The following SLIT2 variants were observed in gnomAD, a reference collection of about 807,000 sequenced individuals.
SLIT2 encodes the protein slit homolog 2 protein.
In SLIT2, 41 loss-of-function variants were observed where a neutral mutation model predicts 185.7. The observed-to-expected ratio is 0.22, with a 90% CI of 0.17 to 0.29. The LOEUF (loss-of-function observed/expected upper bound fraction) is 0.29. SLIT2 is among the 10% of genes least tolerant of loss of function. SLIT2 has a pLI of 1.00. For synonymous variants in SLIT2, 693 were observed against 680.2 expected (o/e 1.02, Z -0.29); for missense variants, 1,571 against 1,909.0 (o/e 0.82, Z 3.30).
At chr4:20,344,963 A>G (rs1319275167) in intron 4 of SLIT2, among the ~76,000 whole-genome samples, 2 of 152,198 alleles carry the variant, frequency 1.3e-5, no homozygotes, top group Non-Finnish European at 2.9e-5. Flanking sequence ...ACGTGTATGT[A>G]TGTAATAGAA....
intron 4 of SLIT2, among the ~76,000 whole-genome samples, chr4:20,389,280 G>C (rs930800072): frequency 6.6e-6 from 1 of 151,758 alleles, no homozygotes; most frequent in South Asian, 2.1e-4. Flanking sequence ...TGAAGAACTA[G>C]CATATCATTA....
chr4:20,470,925 G>A (rs1714926684), intron 5 of SLIT2, among the ~76,000 whole-genome samples: 1 of 152,076 alleles, frequency 6.6e-6, no homozygotes, highest in Non-Finnish European at 1.5e-5. Flanking sequence ...AGAATTATAG[G>A]GATCTGAATA....
In SLIT2 at chr4:20,617,408, A is replaced by T. The variant is rs546185704; in HGVS notation, c.4137-31A>T. On this transcript the variant is annotated intron_variant, in intron 35 of 36. Transcript: ENST00000504154. ...CATTCTTACCTCCTCTTCTGAATGC[A>T]TTCCCACTCCTGTGTTCCTCCTCCC... The T allele has an allele frequency of 9.4e-6, 15 of 1,590,506 alleles. No individual in the cohort carries two copies. The South Asian group carries it at 1.2e-4, about 13-fold the overall frequency.
At chr4:20,527,372 G>A (rs925929564) in intron 15 of SLIT2, among the ~76,000 whole-genome samples, 10 of 151,784 alleles carry the variant, frequency 6.6e-5, no homozygotes, top group South Asian at 4.2e-4. Context: ...TGCAAGTTCC[G>A]CCTCCCGAGT....
At chr4:20,354,739 T>C (rs1056123697) in intron 4 of SLIT2, among the ~76,000 whole-genome samples, 1 of 152,110 alleles carries the variant, frequency 6.6e-6, no homozygotes, top group Non-Finnish European at 1.5e-5. Context: ...GAGGAAACTA[T>C]AGAAATTGAT....
chr4:20,431,379 G>A (rs967906292), intron 4 of SLIT2, among the ~76,000 whole-genome samples: 2 of 152,026 alleles, frequency 1.3e-5, no homozygotes, highest in African/African-American at 4.8e-5. Context: ...AAATATTTGT[G>A]TTTTATTTTT....
intron 4 of SLIT2, among the ~76,000 whole-genome samples, chr4:20,420,818 G>A (rs779587834): frequency 3.9e-5 from 6 of 152,062 alleles, no homozygotes; most frequent in Non-Finnish European, 7.4e-5. Flanking sequence ...TGATGGGATC[G>A]ATGTCTTTAT....
At chr4:20,353,526 T>TA (rs987244266) in intron 4 of SLIT2, among the ~76,000 whole-genome samples, 5 of 151,874 alleles carry the variant, frequency 3.3e-5, no homozygotes, top group Admixed American at 6.6e-5. Flanking sequence ...AATATTTATT[T>TA]AAAAAAAACA....
chr4:20,279,416 C>T (rs1486519014), intron 4 of SLIT2, among the ~76,000 whole-genome samples: 1 of 152,174 alleles, frequency 6.6e-6, no homozygotes, highest in Admixed American at 6.5e-5. Flanking sequence ...TTTCTTTCCT[C>T]CTTCCTCCTC....
At chr4:20,527,838 T>A (rs1721434122) in intron 15 of SLIT2, among the ~76,000 whole-genome samples, 1 of 152,224 alleles carries the variant, frequency 6.6e-6, no homozygotes, top group Admixed American at 6.5e-5. Context: ...TGGTGATCTT[T>A]ACTTTTGCAG....
intron 4 of SLIT2, among the ~76,000 whole-genome samples, chr4:20,295,332 A>G (rs1249239292): frequency 1.3e-5 from 2 of 152,212 alleles, no homozygotes; most frequent in South Asian, 2.1e-4. Context: ...TGTGAGTACA[A>G]TGATTTTAAT....
intron 11 of SLIT2, 67 bp downstream of exon 11, chr4:20,511,204 T>C (rs1231702778): frequency 2.2e-6 from 2 of 895,320 alleles, no homozygotes; most frequent in Non-Finnish European, 3.6e-6. Context: ...CTTTTTTAAA[T>C]TGGGGTTTAA....
chr4:20,274,823 A>G (rs1439253709), intron 4 of SLIT2, among the ~76,000 whole-genome samples: 2 of 151,880 alleles, frequency 1.3e-5, no homozygotes, highest in Non-Finnish European at 2.9e-5. Context: ...ACCAACAAGT[A>G]CTTATGGACT....
chr4:20,345,041 A>G (rs1174521288), intron 4 of SLIT2, among the ~76,000 whole-genome samples: 1 of 152,224 alleles, frequency 6.6e-6, no homozygotes, highest in Non-Finnish European at 1.5e-5. Context: ...TTAATTATTG[A>G]TAGTAAAATA....
intron 4 of SLIT2, among the ~76,000 whole-genome samples, chr4:20,347,195 A>G (rs79034379): frequency 0.057 from 8,614 of 152,268 alleles, 267 homozygotes; most frequent in Admixed American, 0.082. Flanking sequence ...TGTTATTGCC[A>G]TTTTATAGAG....
At chr4:20,518,497 C>A (rs559307020) in intron 11 of SLIT2, among the ~76,000 whole-genome samples, 2 of 122,936 alleles carry the variant, frequency 1.6e-5, no homozygotes, top group Non-Finnish European at 3.3e-5. Flanking sequence ...CGTGATCCGC[C>A]GGCCTCGGCC....
intron 4 of SLIT2, among the ~76,000 whole-genome samples, chr4:20,364,552 C>T (rs2109301981): frequency 6.6e-6 from 1 of 152,174 alleles, no homozygotes; most frequent in Non-Finnish European, 1.5e-5. Context: ...ATGCTTAATA[C>T]CTTAACTGCC....
chr4:20,529,865 G>C (rs180951972), intron 16 of SLIT2, among the ~76,000 whole-genome samples: 2 of 152,108 alleles, frequency 1.3e-5, no homozygotes, highest in East Asian at 3.9e-4. Flanking sequence ...GCACCATCTG[G>C]TATTTGTCAT....
Position 20,550,358 on chromosome 4 carries a change from C to T in SLIT2, c.2490-469C>T, listed in dbSNP as rs567092332. Among the ~76,000 whole-genome samples the T allele has an allele frequency of 7.5e-5, 11 of 146,122 alleles. 1 individual carries two copies. The South Asian group carries it at 2.3e-3, about 31-fold the overall frequency. On this transcript the variant is annotated intron_variant, in intron 24 of 36. Coordinates refer to ENST00000504154, the MANE Select transcript of SLIT2 (RefSeq NM_004787.4). ...ATCTTTATGCATATACTACTTTACT[C>T]TATGCTTGCAGGGGTTTTTTTTAAA...
Sources: allele counts gnomAD v4.1 joint callset (sites outside exome capture counted in the v4.1 genomes callset), GRCh38; gene constraint gnomAD v4.1.1; transcripts MANE v1.5; gene names NCBI Gene and HGNC (gene_info 2026-07-23, HGNC 2026-07-21).